Variants in POLR3B observed in about 807,000 individuals in gnomAD.
The protein encoded by POLR3B is DNA-directed RNA polymerase III subunit RPC2.
A neutral mutation model predicts 147.4 loss-of-function variants in POLR3B; 96 were observed. The observed-to-expected ratio is 0.65, with a 90% CI of 0.55 to 0.77. The LOEUF (loss-of-function observed/expected upper bound fraction) is 0.77, where lower values mean the gene tolerates loss of function less well. POLR3B is among the 30% of genes least tolerant of loss of function. The pLI, the probability that POLR3B is intolerant of heterozygous loss-of-function variation, is 0.00. For synonymous variants in POLR3B, 461 were observed against 485.9 expected, an observed-to-expected ratio of 0.95 and a Z score of 0.67; for missense variants, 1,036 against 1,413.5, an observed-to-expected ratio of 0.73 and a Z score of 4.28.
intron 4 of POLR3B, among the ~76,000 whole-genome samples, chr12:106,368,177 C>T (rs1380613289): frequency 1.3e-5 from 2 of 151,528 alleles, no homozygotes; most frequent in Admixed American, 6.6e-5. Context: ...ATTTTTTGAG[C>T]ACTCCTTTGC....
At chr12:106,466,573 T>C (rs2038008675) in intron 23 of POLR3B, among the ~76,000 whole-genome samples, 1 of 152,238 alleles carries the variant, frequency 6.6e-6, no homozygotes, top group African/African-American at 2.4e-5. Context: ...TCTAGGATTT[T>C]TATGATCCTA....
At chr12:106,392,893 C>T in intron 9 of POLR3B, 138 bp from the exon 10 acceptor site, 1 of 1,044,032 alleles carries the variant, frequency 9.6e-7, no homozygotes, top group Non-Finnish European at 1.4e-6. Context: ...GCTGCCAATG[C>T]CAGATGGCAC....
intron 10 of POLR3B, among the ~76,000 whole-genome samples, chr12:106,395,847 G>A (rs542554812): frequency 6.6e-6 from 1 of 152,246 alleles, no homozygotes; most frequent in East Asian, 1.9e-4. Context: ...GTGGGTGCCT[G>A]TAATCCCAGC....
chr12:106,434,560 A>C (rs375994929), intron 16 of POLR3B, among the ~76,000 whole-genome samples: 11 of 151,668 alleles, frequency 7.3e-5, no homozygotes, highest in Non-Finnish European at 2.9e-5. Context: ...CACAGGTACT[A>C]TCTAGGAGCC....
chr12:106,501,230 A>T (rs1309094896), intron 25 of POLR3B, 93 bp from the exon 26 acceptor site: 2 of 792,562 alleles, frequency 2.5e-6, no homozygotes, highest in Non-Finnish European at 4.6e-6. Flanking sequence ...TCAGTCATAA[A>T]TGAGTAAGGA....
intron 12 of POLR3B, among the ~76,000 whole-genome samples, chr12:106,417,267 A>C (rs1378198147): frequency 1.3e-5 from 2 of 152,188 alleles, no homozygotes; most frequent in African/African-American, 4.8e-5. Flanking sequence ...ACATCTCCTA[A>C]GGCACGAATG....
At position 106,496,139 on chromosome 12, in the gene POLR3B, G is replaced by A; in HGVS notation, c.2798G>A (p.Gly933Asp). ...CCGGACATCATCATGAACCCACACG[G>A]CTTCCCATCACGAATGACGGTCAGT... is the stretch of plus-strand genomic sequence containing the variant. ...ICPDIIMNPH[G>D]FPSRMTVGKL... The change falls in exon 24 of 28, where the codon GGC becomes GAC. Residue 933 changes from glycine to aspartate, a missense_variant. Coordinates refer to ENST00000228347, the MANE Select transcript of POLR3B (RefSeq NM_018082.6). 6.2e-7 allele frequency: 1 copy of A among 1,605,246 alleles called. No individual in the cohort carries two copies. The highest frequency in any genetic ancestry group is 8.5e-7 in the Non-Finnish European group (1 of 1,171,886).
rs554871325 is a variant in POLR3B, at chr12:106,391,920, A to C, written c.724-1111A>C. On this transcript the variant is annotated intron_variant, in intron 9 of 27. Transcript: ENST00000228347. ...CTGGTTCTGTCTTCTCTACAGCTGA[A>C]GGAAGAATTTTAATGCAAACATAAC... 2.3e-4 allele frequency among the ~76,000 whole-genome samples: 35 copies of C among 152,356 alleles called. 1 individual carries two copies. In the South Asian group the frequency reaches 4.1e-3, roughly 18 times the overall value.
At chr12:106,395,925 G>A (rs185839502) in intron 10 of POLR3B, among the ~76,000 whole-genome samples, 15 of 152,164 alleles carry the variant, frequency 9.9e-5, no homozygotes, top group African/African-American at 2.6e-4. Flanking sequence ...AGCCAAGATC[G>A]CGCCACTGCA....
chr12:106,358,321 T>G, intron 1 of POLR3B: 3 of 1,038,762 alleles, frequency 2.9e-6, no homozygotes, highest in Non-Finnish European at 2.5e-6. Flanking sequence ...TCAGGCCATT[T>G]GCATGAGGCA....
intron 1 of POLR3B, among the ~76,000 whole-genome samples, chr12:106,358,761 T>C (rs1280270816): frequency 5.3e-5 from 8 of 152,226 alleles, no homozygotes; most frequent in African/African-American, 1.7e-4. Flanking sequence ...TCCAGTAGTA[T>C]TAGAGTGAAG....
At chr12:106,415,143 C>G (rs2037284489) in intron 12 of POLR3B, among the ~76,000 whole-genome samples, 1 of 152,172 alleles carries the variant, frequency 6.6e-6, no homozygotes, top group Non-Finnish European at 1.5e-5. Context: ...GTGTAACCTC[C>G]TAACAAGTGT....
rs35090518 is a variant in POLR3B at position 106,426,222 on chromosome 12, T to TTGTGTGTGTGTG, written c.1102-941_1102-930dup. ...AAATTGTAAGGGCAGGGCCTGCAAT[T>TTGTGTGTGTGTG]TGTGTGTGTGTGTGTGTGTGTGTGT... is the stretch of plus-strand genomic sequence containing the variant. On this transcript the variant is annotated intron_variant, in intron 12 of 27. Coordinates refer to ENST00000228347, the MANE Select transcript of POLR3B (RefSeq NM_018082.6). Among the ~76,000 whole-genome samples the TTGTGTGTGTGTG allele has an allele frequency of 3.7e-3, 481 of 131,214 alleles. 2 individuals carry two copies. Among genetic ancestry groups the TTGTGTGTGTGTG allele is most frequent in the African/African-American group, 5.4e-3 (183 of 33,740 alleles). 86.1% of individuals were successfully genotyped at this position (131,214 alleles called of 152,430 possible). A position where few individuals can be genotyped will look rare whatever the true frequency, so the allele number is the denominator to read the frequency against.
At position 106,501,322 on chromosome 12, in the gene POLR3B, G is replaced by T; in HGVS notation, c.2985-1G>T. The T allele has an allele frequency of 6.3e-7, 1 of 1,590,792 alleles. No individual in the cohort carries two copies. The highest frequency in any genetic ancestry group is 8.6e-7 in the Non-Finnish European group (1 of 1,158,666). ...CCCACAACAATTGATCTTTCTTTCA[G>T]TGAGCCCTTAGAAGCATACATCTAT... On this transcript the variant is annotated splice_acceptor_variant, in intron 25 of 27. Transcript: ENST00000228347. LOFTEE classifies it high-confidence loss of function.
At chr12:106,369,070 A>G (rs2036569040) in intron 4 of POLR3B, among the ~76,000 whole-genome samples, 2 of 152,214 alleles carry the variant, frequency 1.3e-5, no homozygotes, top group African/African-American at 4.8e-5. Context: ...ATTTTTTAAA[A>G]GATACTTTGA....
At chr12:106,502,662 G>C (rs2038619917) in intron 26 of POLR3B, among the ~76,000 whole-genome samples, 1 of 151,862 alleles carries the variant, frequency 6.6e-6, no homozygotes. Context: ...TCAATTCTTT[G>C]ACCATTTAAA....
chr12:106,389,033 T>C (rs968363468), intron 9 of POLR3B, among the ~76,000 whole-genome samples: 1 of 152,228 alleles, frequency 6.6e-6, no homozygotes, highest in Non-Finnish European at 1.5e-5. Context: ...GGATTTACTT[T>C]TGACTTATTA....
Position 106,504,218 on chromosome 12 carries a change from T to G in POLR3B, c.3236T>G (p.Val1079Gly). The change falls in exon 27 of 28, where the codon GTC becomes GGC. Residue 1079 changes from valine to glycine, a missense_variant. Coordinates refer to ENST00000228347, the MANE Select transcript of POLR3B (RefSeq NM_018082.6). The surrounding 1 kb of genome is among the most constrained non-coding windows in gnomAD (Gnocchi z 4.6). ...MISSDAFEVD[V>G]CGQCGLLGYS... Reference sequence around the variant, plus strand: ...TCAAGTGATGCCTTTGAGGTTGATGTCTGTGGGCAGTGTGGACTTCTGGGG... The same window carrying G: ...TCAAGTGATGCCTTTGAGGTTGATGGCTGTGGGCAGTGTGGACTTCTGGGG... 2 of 1,614,182 alleles carry G rather than the reference T, an allele frequency of 1.2e-6. No homozygotes were observed. The highest frequency in any genetic ancestry group is 2.2e-5 in the East Asian group (1 of 44,888).
intron 18 of POLR3B, among the ~76,000 whole-genome samples, chr12:106,443,153 G>T (rs1340847618): frequency 6.6e-6 from 1 of 152,006 alleles, no homozygotes; most frequent in Non-Finnish European, 1.5e-5. Flanking sequence ...ATATCAACAG[G>T]TAATTAATAT....
Sources: gnomAD v4.1 joint callset for allele counts (sites outside exome capture counted in the v4.1 genomes callset) on GRCh38, gnomAD v4.1.1 for gene constraint, Gnocchi (gnomAD v3.1) non-coding constraint, MANE v1.5 for transcripts, NCBI Gene and HGNC (gene_info 2026-07-23, HGNC 2026-07-21) for gene names.